Variants in IQSEC3 observed in about 807,000 individuals in gnomAD.
IQSEC3 encodes the protein IQ motif and SEC7 domain-containing protein 3.
IQSEC3 carries 50 observed loss-of-function variants against 105.4 expected under a neutral mutation model. That is an observed-to-expected ratio of 0.47 (90% CI 0.38 to 0.60). IQSEC3 has a LOEUF of 0.60. Among genes scored for constraint, IQSEC3 ranks in the 20% least tolerant of loss-of-function variants. The pLI, the probability that IQSEC3 is intolerant of heterozygous loss-of-function variation, is 0.00. For missense variants in IQSEC3, 1,415 were observed against 1,630.0 expected (o/e 0.87, Z 2.27); for synonymous variants, 708 against 746.0 (o/e 0.95, Z 0.83).
At chr12:99,569 C>A (rs1326166510) in intron 2 of IQSEC3, among the ~76,000 whole-genome samples, 1 of 152,206 alleles carries the variant, frequency 6.6e-6, no homozygotes, top group African/African-American at 2.4e-5. Flanking sequence ...CAGTGGTGTG[C>A]GCTCAGCCCA....
intron 13 of IQSEC3, among the ~76,000 whole-genome samples, chr12:172,984 C>G (rs774204886): frequency 3.9e-5 from 6 of 152,100 alleles, no homozygotes; most frequent in Non-Finnish European, 7.4e-5. Context: ...ACTGGGACAG[C>G]CAGACATTCG....
intron 2 of IQSEC3, among the ~76,000 whole-genome samples, chr12:117,757 G>A (rs1299888408): frequency 6.6e-6 from 1 of 152,224 alleles, no homozygotes; most frequent in Admixed American, 6.5e-5. Flanking sequence ...TCTCTCCTTG[G>A]GAGCCAGACA....
At chr12:123,250 T>G (rs1044063018) in intron 2 of IQSEC3, among the ~76,000 whole-genome samples, 1 of 151,820 alleles carries the variant, frequency 6.6e-6, no homozygotes, top group Non-Finnish European at 1.5e-5. Flanking sequence ...ACAAAAAAAA[T>G]TTAAAAATTT....
chr12:139,265 C>T lies in IQSEC3; in HGVS notation c.1902C>T (p.Cys634=). 2 of 1,610,316 alleles carry T rather than the reference C, an allele frequency of 1.2e-6. No individual in the cohort carries two copies. Among genetic ancestry groups the T allele is most frequent in the East Asian group, 4.5e-5 (2 of 44,478 alleles). The change falls in exon 4 of 14, where the codon TGC becomes TGT. Residue 634 remains cysteine (C), a synonymous_variant. Coordinates refer to ENST00000538872, the MANE Select transcript of IQSEC3 (RefSeq NM_001170738.2). ...AMILSLPRYH[C]ENPASCKSPT... Reference sequence around the variant, plus strand: ...TCCTGAGCCTGCCGCGCTACCACTGCGAGAACCCAGCCAGCTGCAAGTCGC... The same window carrying T: ...TCCTGAGCCTGCCGCGCTACCACTGTGAGAACCCAGCCAGCTGCAAGTCGC...
chr12:72,783 G>A (rs1299954100), intron 1 of IQSEC3, among the ~76,000 whole-genome samples: 5 of 110,410 alleles, frequency 4.5e-5, no homozygotes, highest in African/African-American at 9.0e-5. Context: ...GGTGGCTCAC[G>A]CCTGTCATCC....
intron 4 of IQSEC3, chr12:140,804 C>T: frequency 6.6e-6 from 2 of 300,864 alleles, no homozygotes; most frequent in Non-Finnish European, 1.2e-5. Context: ...CGGTGGGGAC[C>T]TGCATATTGA....
Position 139,514 on chromosome 12 carries a change from T to C in IQSEC3, c.1991+160T>C, listed in dbSNP as rs1555088466. The stretch of plus-strand genomic sequence containing the variant: ...TCTGTGCCGTGCCTGATCCCTGAGG[T>C]CATGTTTAGGAAGTACATATTTTAT... On this transcript the variant is annotated intron_variant, in intron 4 of 13. Transcript: ENST00000538872. 5.8e-6 allele frequency: 3 copies of C among 519,464 alleles called. No individual in the cohort carries two copies. The African/African-American group carries it at 5.8e-5, about 10-fold the overall frequency. The allele number at this position is 519,464 out of a possible 1,614,324, so 32.2% of individuals were successfully genotyped here.
intron 2 of IQSEC3, among the ~76,000 whole-genome samples, chr12:118,413 G>C (rs1391109421): frequency 6.6e-6 from 1 of 150,842 alleles, no homozygotes; most frequent in African/African-American, 2.4e-5. Context: ...GTTTTAGAAA[G>C]GGCTAAAAAT....
At chr12:133,763 G>A (rs1865670040) in intron 3 of IQSEC3, among the ~76,000 whole-genome samples, 1 of 151,292 alleles carries the variant, frequency 6.6e-6, no homozygotes, top group South Asian at 2.1e-4. Context: ...TGTAAAATAG[G>A]AAGAAAGGGA....
intron 1 of IQSEC3, among the ~76,000 whole-genome samples, chr12:84,353 C>G (rs1863847718): frequency 6.6e-6 from 1 of 152,218 alleles, no homozygotes; most frequent in Non-Finnish European, 1.5e-5. Context: ...CCCTGCGTGG[C>G]CCATATGGTC....
chr12:99,149 T>C lies in IQSEC3; in HGVS notation c.558T>C (p.Asn186=), dbSNP rs782587177. 1.3e-5 allele frequency: 21 copies of C among 1,598,126 alleles called. No homozygotes were observed. The Admixed American group carries it at 2.8e-4, about 22-fold the overall frequency. ...GKGVLSRRPE[N]ETVLHQFCCP... Reference sequence around the variant, plus strand: ...TCTCCCTCTGCTCTGCCCGCAGGAATGAGACCGTGCTGCACCAGTTCTGCT... The same window carrying C: ...TCTCCCTCTGCTCTGCCCGCAGGAACGAGACCGTGCTGCACCAGTTCTGCT... The change falls in exon 2 of 14, where the codon AAT becomes AAC. Residue 186 remains asparagine (N), a synonymous_variant. Coordinates refer to ENST00000538872, the MANE Select transcript of IQSEC3 (RefSeq NM_001170738.2).
rs2137030828 is a variant in IQSEC3 at position 152,063 on chromosome 12, G to GACTGGCATTGCTGTCCACTT, written c.2154-4958_2154-4957insGCATTGCTGTCCACTTACTG. On this transcript the variant is annotated intron_variant, in intron 5 of 13. Transcript: ENST00000538872. The surrounding 1 kb of genome is among the most constrained non-coding windows in gnomAD (Gnocchi z 4.8). ...TGCCTGTCTCTCCCACCAAGACAGAGACTGTGTTGCTGGCCACTTACACCA... is the reference window on the plus strand; with the variant it reads ...TGCCTGTCTCTCCCACCAAGACAGAGACTGGCATTGCTGTCCACTTACTGTGTTGCTGGCCACTTACACCA... 6.6e-6 allele frequency among the ~76,000 whole-genome samples: 1 copy of GACTGGCATTGCTGTCCACTT among 152,204 alleles called. No homozygotes were observed. The highest frequency in any genetic ancestry group is 2.1e-4 in the South Asian group (1 of 4,804).
intron 7 of IQSEC3, 118 bp downstream of exon 7, chr12:157,812 T>C (rs1260914403): frequency 1.7e-6 from 2 of 1,162,914 alleles, no homozygotes; most frequent in African/African-American, 1.6e-5. Flanking sequence ...TGTCTGGGCC[T>C]GGTCACCCAT....
chr12:161,783 C>A, intron 7 of IQSEC3, 143 bp from the exon 8 acceptor site: 1 of 698,854 alleles, frequency 1.4e-6, no homozygotes, highest in Non-Finnish European at 2.4e-6. Context: ...GGGTATGAGG[C>A]ACCAGCCATT....
At chr12:166,010 TC>T in intron 11 of IQSEC3, 120 bp downstream of exon 11, 21 of 1,123,032 alleles carry the variant, frequency 1.9e-5, no homozygotes, top group African/African-American at 4.6e-5. Context: ...CCTCCCCGTG[TC>T]CAGGCCCCAC....
chr12:164,586 T>A (rs537429439), intron 9 of IQSEC3: 6 of 152,248 alleles, frequency 3.9e-5, no homozygotes, highest in African/African-American at 1.4e-4. Flanking sequence ...TTCCTTACCC[T>A]GTTTCATTTT....
chr12:156,641 C>T (rs782149934), intron 5 of IQSEC3, among the ~76,000 whole-genome samples: 49 of 152,340 alleles, frequency 3.2e-4, no homozygotes, highest in Non-Finnish European at 1.5e-4. Flanking sequence ...CTGGGAGAAA[C>T]ACAGGCTCCT....
chr12:155,890 C>T (rs928382344), intron 5 of IQSEC3, among the ~76,000 whole-genome samples: 2 of 152,098 alleles, frequency 1.3e-5, no homozygotes, highest in Admixed American at 6.5e-5. Flanking sequence ...AGTGGGCAAA[C>T]GTCAGCTCCA....
At position 114,177 on chromosome 12, in the gene IQSEC3, C is replaced by T. The variant is rs142428679; in HGVS notation, c.624-11456C>T. Reference sequence around the variant, plus strand: ...GCTAGCTATGTTAAAGCTGGATTTTCGAGGGCAGAGAGGGAGAACTCAAAC... The same window carrying T: ...GCTAGCTATGTTAAAGCTGGATTTTTGAGGGCAGAGAGGGAGAACTCAAAC... On this transcript the variant is annotated intron_variant, in intron 2 of 13. Coordinates refer to ENST00000538872, the MANE Select transcript of IQSEC3 (RefSeq NM_001170738.2). Among the ~76,000 whole-genome samples, 681 of 152,236 alleles carry T rather than the reference C, an allele frequency of 4.5e-3. 6 individuals carry two copies. The highest frequency in any genetic ancestry group is 0.015 in the African/African-American group (628 of 41,548).
Sources: gnomAD v4.1 joint callset for allele counts (sites outside exome capture counted in the v4.1 genomes callset) on GRCh38, gnomAD v4.1.1 for gene constraint, Gnocchi (gnomAD v3.1) non-coding constraint, MANE v1.5 for transcripts, NCBI Gene and HGNC (gene_info 2026-07-23, HGNC 2026-07-21) for gene names.